Variants in ARHGEF10L observed in about 807,000 individuals in gnomAD.
ARHGEF10L encodes rho guanine nucleotide exchange factor 10-like protein.
A neutral mutation model predicts 141.2 loss-of-function variants in ARHGEF10L; 69 were observed. The ratio of observed to expected loss-of-function variants is 0.49; its 90% CI spans 0.40 to 0.60. The LOEUF (loss-of-function observed/expected upper bound fraction) is 0.60, where lower values mean the gene tolerates loss of function less well. ARHGEF10L is among the 20% of genes least tolerant of loss of function. ARHGEF10L has a pLI of 0.00. For synonymous variants in ARHGEF10L, 711 were observed against 718.5 expected, an observed-to-expected ratio of 0.99 and a Z score of 0.17; for missense variants, 1,482 against 1,734.3, an observed-to-expected ratio of 0.85 and a Z score of 2.58.
chr1:17,598,646 AC>A (rs2100867298), intron 4 of ARHGEF10L, among the ~76,000 whole-genome samples: 1 of 152,136 alleles, frequency 6.6e-6, no homozygotes, highest in African/African-American at 2.4e-5. Context: ...TAATACTATC[AC>A]CTTGGGGGTG....
upstream of ARHGEF10L, among the ~76,000 whole-genome samples, chr1:17,538,605 G>A (rs982568554): frequency 2.0e-5 from 3 of 151,644 alleles, no homozygotes; most frequent in Admixed American, 6.6e-5. Flanking sequence ...CTAAGCCTAT[G>A]AGCTCCGAGG....
At chr1:17,602,254 T>G (rs975355179) in intron 5 of ARHGEF10L, 36 bp downstream of exon 5, 3 of 1,545,596 alleles carry the variant, frequency 1.9e-6, no homozygotes, top group African/African-American at 2.7e-5. Context: ...CCACCCCAGG[T>G]AGCAAGCTCC....
chr1:17,584,578 AG>A (rs2078863044), intron 2 of ARHGEF10L, among the ~76,000 whole-genome samples: 1 of 152,210 alleles, frequency 6.6e-6, no homozygotes, highest in Non-Finnish European at 1.5e-5. Flanking sequence ...AAGGTAAAGT[AG>A]GCAGGGCAAA....
At chr1:17,650,152 G>A (rs1474830298) in intron 22 of ARHGEF10L, among the ~76,000 whole-genome samples, 2 of 152,212 alleles carry the variant, frequency 1.3e-5, no homozygotes, top group African/African-American at 4.8e-5. Context: ...GCTCATGCCT[G>A]TAATCCCAGC....
chr1:17,655,370 A>G (rs950593775), intron 23 of ARHGEF10L, among the ~76,000 whole-genome samples: 2 of 151,830 alleles, frequency 1.3e-5, no homozygotes, highest in East Asian at 1.9e-4. Context: ...TTATCTGTCC[A>G]TCCATCCACC....
intron 1 of ARHGEF10L, among the ~76,000 whole-genome samples, chr1:17,574,834 G>A (rs573273490): frequency 6.6e-5 from 10 of 152,314 alleles, no homozygotes; most frequent in East Asian, 5.8e-4. Context: ...AGGAGACCCC[G>A]CCCCACTTCC....
At chr1:17,522,758 G>A in the ARHGEF10L span, among the ~76,000 whole-genome samples, 2 of 152,034 alleles carry the variant, frequency 1.3e-5, no homozygotes, top group African/African-American at 4.8e-5. Flanking sequence ...GGACTTTCAG[G>A]GGGGTGACTG....
At position 17,697,369 on chromosome 1, in the gene ARHGEF10L, T is replaced by C. The variant is rs1481435571; in HGVS notation, c.3829T>C (p.Leu1277=). Residue 1277 remains leucine (L), a synonymous_variant, in exon 29 of 29, where the codon TTG becomes CTG. Coordinates refer to ENST00000361221, the MANE Select transcript of ARHGEF10L (RefSeq NM_018125.4). The surrounding 1 kb of genome is among the most constrained non-coding windows in gnomAD (Gnocchi z 4.8). ...DSTLLIWQVP[L]ML The stretch of plus-strand genomic sequence containing the variant: ...CACCCTCCTCATCTGGCAGGTGCCC[T>C]TGATGCTATAGCGCCTCCCCTCTCC... 4.4e-6 allele frequency: 7 copies of C among 1,595,288 alleles called. No individual in the cohort carries two copies. In the South Asian group the frequency reaches 6.7e-5, roughly 15 times the overall value.
chr1:17,545,234 G>A (rs939715161), intron 1 of ARHGEF10L, among the ~76,000 whole-genome samples: 2 of 152,192 alleles, frequency 1.3e-5, no homozygotes, highest in African/African-American at 2.4e-5. Flanking sequence ...GGCAAACACT[G>A]CAAATCAGAA....
chr1:17,639,496 A>C lies in ARHGEF10L; in HGVS notation c.2172-706A>C, dbSNP rs1464877624. 3.3e-5 allele frequency among the ~76,000 whole-genome samples: 5 copies of C among 151,444 alleles called. No homozygotes were observed. The highest frequency in any genetic ancestry group is 7.4e-5 in the Non-Finnish European group (5 of 67,774). On this transcript the variant is annotated intron_variant, in intron 20 of 28. Transcript: ENST00000361221. This position sits in a 1 kb window ranked among gnomAD's most constrained non-coding sequence, Gnocchi z 4.3. ...AGTCCCCCAGGGGACCATGTGTAGGAGTCAGCAGCTTTGAATCTGCCGCCT... is the reference window on the plus strand; with the variant it reads ...AGTCCCCCAGGGGACCATGTGTAGGCGTCAGCAGCTTTGAATCTGCCGCCT...
intron 1 of ARHGEF10L, among the ~76,000 whole-genome samples, chr1:17,564,609 G>A (rs564355503): frequency 1.4e-4 from 21 of 152,298 alleles, no homozygotes; most frequent in Non-Finnish European, 2.4e-4. Context: ...ACGTGGCCTG[G>A]GTTCAAAGGC....
intron 1 of ARHGEF10L, among the ~76,000 whole-genome samples, chr1:17,578,510 C>A (rs1052559098): frequency 6.7e-6 from 1 of 149,686 alleles, no homozygotes; most frequent in Non-Finnish European, 1.5e-5. Context: ...CAGAGTAAGA[C>A]CCTATCTCTA....
intron 16 of ARHGEF10L, 138 bp downstream of exon 16, chr1:17,632,604 C>T (rs566682389): frequency 8.8e-7 from 1 of 1,140,350 alleles, no homozygotes; most frequent in African/African-American, 1.5e-5. Context: ...CCTCTCCCAT[C>T]CCTCTTGCCC....
chr1:17,619,314 G>T lies in ARHGEF10L; in HGVS notation c.836-25G>T, dbSNP rs1337773489. The T allele has an allele frequency of 6.8e-6, 11 of 1,607,482 alleles. No individual in the cohort carries two copies. The highest frequency in any genetic ancestry group is 1.7e-5 in the Admixed American group (1 of 59,786). On this transcript the variant is annotated intron_variant, in intron 9 of 28. Coordinates refer to ENST00000361221, the MANE Select transcript of ARHGEF10L (RefSeq NM_018125.4). The surrounding 1 kb of genome is among the most constrained non-coding windows in gnomAD (Gnocchi z 5.0). Reference sequence around the variant, plus strand: ...GGTGTGCTGTCCCTGCCTTAGCTGTGTCATCGGCCCATCTGACTTTCCAGG... The same window carrying T: ...GGTGTGCTGTCCCTGCCTTAGCTGTTTCATCGGCCCATCTGACTTTCCAGG...
chr1:17,632,276 G>A (rs776856442), intron 15 of ARHGEF10L, 45 bp from the exon 16 acceptor site: 14 of 1,606,472 alleles, frequency 8.7e-6, no homozygotes, highest in Admixed American at 3.3e-5. Flanking sequence ...CGGTAAAGCC[G>A]CCGGGCCGCG....
chr1:17,678,800 T>G (rs771719420), intron 26 of ARHGEF10L, among the ~76,000 whole-genome samples: 4 of 152,238 alleles, frequency 2.6e-5, no homozygotes, highest in Non-Finnish European at 5.9e-5. Flanking sequence ...TGGCACTTTC[T>G]GTATGCCTTG....
At chr1:17,555,705 G>A (rs1244635851) in intron 1 of ARHGEF10L, among the ~76,000 whole-genome samples, 1 of 152,112 alleles carries the variant, frequency 6.6e-6, no homozygotes. Flanking sequence ...GAGTTTTGGG[G>A]GACACATCTA....
chr1:17,561,509 C>T (rs568228133), intron 1 of ARHGEF10L, among the ~76,000 whole-genome samples: 4 of 152,342 alleles, frequency 2.6e-5, no homozygotes, highest in Middle Eastern at 3.4e-3. Context: ...TCCTGTCTCG[C>T]AGAGGGGGAG....
At chr1:17,676,235 TGTGTGGGTGCAGGCGTGGGTGCAG>T (rs2063706116) in intron 26 of ARHGEF10L, among the ~76,000 whole-genome samples, 1 of 66,896 alleles carries the variant, frequency 1.5e-5, no homozygotes, top group Non-Finnish European at 2.9e-5. Context: ...TGTATGTTCA[TGTGTGGGTGCAGGCGTGGGTGCAG>T]GTGTGGGTGC....
Sources: allele counts gnomAD v4.1 joint callset (sites outside exome capture counted in the v4.1 genomes callset), GRCh38; gene constraint gnomAD v4.1.1; non-coding constraint Gnocchi (gnomAD v3.1); transcripts MANE v1.5; gene names NCBI Gene and HGNC (gene_info 2026-07-23, HGNC 2026-07-21).